The following GPR141 variants were observed in gnomAD, a reference collection of about 807,000 sequenced individuals.
GPR141 encodes the protein probable G protein-coupled receptor 141.
In GPR141, 6 loss-of-function variants were observed where a neutral mutation model predicts 6.8. That is an observed-to-expected ratio of 0.88 (90% CI 0.48 to 1.74). The LOEUF is 1.74. GPR141 is among the 40% of genes most tolerant of loss of function. The pLI, the probability that GPR141 is intolerant of heterozygous loss-of-function variation, is 0.01. For synonymous variants in GPR141, 140 were observed against 142.3 expected (o/e 0.98, Z 0.11); for missense variants, 372 against 372.9 (o/e 1.00, Z 0.02).
In GPR141 at chr7:37,739,582, A is replaced by G. The variant is rs532545595; in HGVS notation, c.-14-798A>G. Among the ~76,000 whole-genome samples, 6 of 152,318 alleles carry G rather than the reference A, an allele frequency of 3.9e-5. No homozygotes were observed. In the South Asian group the frequency reaches 1.2e-3, roughly 32 times the overall value. On this transcript the variant is annotated intron_variant, in intron 2 of 2. Transcript: ENST00000334425. ...CTTAGTGAAATTAAAAGATTACTAAATCTTTTACAGCAAGCAATGAATAAG... is the reference window on the plus strand; with the variant it reads ...CTTAGTGAAATTAAAAGATTACTAAGTCTTTTACAGCAAGCAATGAATAAG...
chr7:37,734,988 G>A (rs1812164345), intron 2 of GPR141, among the ~76,000 whole-genome samples: 1 of 152,210 alleles, frequency 6.6e-6, no homozygotes, highest in African/African-American at 2.4e-5. Context: ...ACTAATCTTT[G>A]TATGTTGGGG....
chr7:37,710,920 G>A (rs998069478), intron 2 of GPR141, among the ~76,000 whole-genome samples: 3 of 152,108 alleles, frequency 2.0e-5, no homozygotes, highest in Non-Finnish European at 4.4e-5. Context: ...TAGTGTTTTA[G>A]GTTCTTTTGG....
At chr7:37,687,800 C>T (rs911499376) in intron 2 of GPR141, among the ~76,000 whole-genome samples, 9 of 152,196 alleles carry the variant, frequency 5.9e-5, no homozygotes, top group Admixed American at 1.3e-4. Flanking sequence ...TCAGATGACC[C>T]CTGCACTTCC....
intron 2 of GPR141, among the ~76,000 whole-genome samples, chr7:37,705,511 CTAG>C (rs1329535529): frequency 6.6e-6 from 1 of 152,096 alleles, no homozygotes; most frequent in Non-Finnish European, 1.5e-5. Flanking sequence ...ATCTGCAAAT[CTAG>C]GGTTTTTACA....
chr7:37,737,288 T>C (rs1037783706), intron 2 of GPR141, among the ~76,000 whole-genome samples: 7 of 152,186 alleles, frequency 4.6e-5, no homozygotes, highest in Non-Finnish European at 8.8e-5. Flanking sequence ...CTGGATCCTG[T>C]TTCTTTGATA....
chr7:37,736,542 A>AAAAG (rs1223074056), intron 2 of GPR141, among the ~76,000 whole-genome samples: 7 of 147,634 alleles, frequency 4.7e-5, no homozygotes, highest in East Asian at 1.9e-4. Context: ...ATCTTTCTTA[A>AAAAG]AAAGAAAGAA....
chr7:37,721,876 A>C (rs1316699434), intron 2 of GPR141, among the ~76,000 whole-genome samples: 5 of 152,220 alleles, frequency 3.3e-5, no homozygotes, highest in Admixed American at 1.3e-4. Flanking sequence ...TTTTATCCAC[A>C]GCCTTTTTTG....
At chr7:37,702,322 C>T (rs1810310832) in intron 2 of GPR141, among the ~76,000 whole-genome samples, 1 of 152,040 alleles carries the variant, frequency 6.6e-6, no homozygotes, top group South Asian at 2.1e-4. Flanking sequence ...TTCTTCTTCC[C>T]TTTTCCCTCC....
chr7:37,705,013 A>G (rs1810461858), intron 2 of GPR141, among the ~76,000 whole-genome samples: 1 of 152,188 alleles, frequency 6.6e-6, no homozygotes, highest in African/African-American at 2.4e-5. Context: ...CAAGCCCAAT[A>G]CTTAGTATGC....
chr7:37,731,636 T>A (rs1169150883), intron 2 of GPR141, among the ~76,000 whole-genome samples: 4 of 152,126 alleles, frequency 2.6e-5, no homozygotes, highest in Non-Finnish European at 4.4e-5. Context: ...GTATTTTTAG[T>A]AGAGACGGGG....
At chr7:37,704,625 GA>G (rs1022725831) in intron 2 of GPR141, among the ~76,000 whole-genome samples, 1 of 152,122 alleles carries the variant, frequency 6.6e-6, no homozygotes, top group Non-Finnish European at 1.5e-5. Flanking sequence ...TTTGAATGGG[GA>G]CACAGCTAAA....
At chr7:37,698,085 A>C (rs1270430408) in intron 2 of GPR141, among the ~76,000 whole-genome samples, 1 of 152,200 alleles carries the variant, frequency 6.6e-6, no homozygotes, top group East Asian at 1.9e-4. Flanking sequence ...TATTGCCTAG[A>C]CTTTCTTTAT....
At chr7:37,720,117 G>C (rs1811246578) in intron 2 of GPR141, among the ~76,000 whole-genome samples, 1 of 152,202 alleles carries the variant, frequency 6.6e-6, no homozygotes, top group African/African-American at 2.4e-5. Context: ...TCGGGAGATT[G>C]ATGGGGTTCA....
intron 2 of GPR141, among the ~76,000 whole-genome samples, chr7:37,739,095 A>C (rs187372548): frequency 1.3e-5 from 2 of 152,306 alleles, no homozygotes; most frequent in Non-Finnish European, 2.9e-5. Flanking sequence ...ACAAGGTGCT[A>C]TCACCCCATT....
intron 2 of GPR141, among the ~76,000 whole-genome samples, chr7:37,730,334 A>G (rs1435908852): frequency 1.3e-5 from 2 of 152,196 alleles, no homozygotes; most frequent in African/African-American, 2.4e-5. Context: ...CTAAATAATA[A>G]TAACAAGTGT....
intron 2 of GPR141, among the ~76,000 whole-genome samples, chr7:37,694,889 C>T (rs1239009756): frequency 6.6e-6 from 1 of 152,102 alleles, no homozygotes; most frequent in Non-Finnish European, 1.5e-5. Context: ...GGTCAAATAT[C>T]CAAACTACAG....
intron 2 of GPR141, among the ~76,000 whole-genome samples, chr7:37,718,854 G>A (rs1308151125): frequency 6.6e-6 from 1 of 152,174 alleles, no homozygotes; most frequent in African/African-American, 2.4e-5. Flanking sequence ...CTTCTGTTAG[G>A]CTTTGAATGC....
At chr7:37,718,524 A>AAGG (rs61160687) in intron 2 of GPR141, among the ~76,000 whole-genome samples, 2,275 of 55,396 alleles carry the variant, frequency 0.041, 65 homozygotes, top group East Asian at 0.18. Context: ...AGGAAGGAAG[A>AAGG]AAGGAAGGAA....
intron 2 of GPR141, among the ~76,000 whole-genome samples, chr7:37,721,272 C>T (rs1462887950): frequency 6.6e-6 from 1 of 152,080 alleles, no homozygotes; most frequent in Admixed American, 6.6e-5. Flanking sequence ...AATAAAAGTA[C>T]CCTTGTCCTG....
Sources: gnomAD v4.1 joint callset for allele counts (sites outside exome capture counted in the v4.1 genomes callset) on GRCh38, gnomAD v4.1.1 for gene constraint, MANE v1.5 for transcripts, NCBI Gene and HGNC (gene_info 2026-07-23, HGNC 2026-07-21) for gene names.